Variants in BBS12 observed in about 807,000 individuals in gnomAD.
BBS12 encodes the protein chaperonin-containing T-complex member BBS12.
In BBS12, 5 loss-of-function variants were observed where a neutral mutation model predicts 5.6. That is an observed-to-expected ratio of 0.89 (90% CI 0.46 to 1.86). BBS12 has a LOEUF of 1.86. Ranked by LOEUF, BBS12 falls within the 40% of genes most tolerant of loss-of-function variation. The pLI is 0.01. For missense variants in BBS12, 748 were observed against 830.4 expected (o/e 0.90, Z 1.22); for synonymous variants, 308 against 306.8 (o/e 1.00, Z -0.04).
the BBS12 span, among the ~76,000 whole-genome samples, chr4:122,704,810 G>A: frequency 6.6e-6 from 1 of 152,256 alleles, no homozygotes; most frequent in African/African-American, 2.4e-5. Flanking sequence ...TAATCATTGT[G>A]GTAGATTGCA....
chr4:122,742,222 C>T lies in BBS12; in HGVS notation c.330C>T (p.Ser110=). The T allele has an allele frequency of 6.2e-7, 1 of 1,613,832 alleles. No individual in the cohort carries two copies. The part of the protein sequence containing the change: ...EECLHLGVPI[S]IIVSVMSEGL... ...GTCTTCATCTTGGTGTCCCCATTTC[C>T]ATAATAGTATCAGTAATGTCAGAAG... Residue 110 remains serine, a synonymous_variant, in exon 2 of 2, where the codon TCC becomes TCT. Coordinates refer to ENST00000314218, the MANE Select transcript of BBS12 (RefSeq NM_152618.3).
rs1042329443 is a variant in BBS12, at chr4:122,732,858, C to G, written c.-37C>G. 3 of 152,378 alleles carry G rather than the reference C, an allele frequency of 2.0e-5. No individual in the cohort carries two copies. Among genetic ancestry groups the G allele is most frequent in the African/African-American group, 7.2e-5 (3 of 41,456 alleles). The allele number at this position is 152,378 out of a possible 1,614,324, so 9.4% of individuals were successfully genotyped here. On this transcript the variant is annotated 5_prime_UTR_variant, in exon 1 of 2. Transcript: ENST00000314218. Reference sequence around the variant, plus strand: ...CGGTGGGAAGCCGGGAACTCCAGCCCCCTGTAGGAGAGGAGAAAGGAGCGA... The same window carrying G: ...CGGTGGGAAGCCGGGAACTCCAGCCGCCTGTAGGAGAGGAGAAAGGAGCGA...
At chr4:122,711,472 C>T in the BBS12 span, among the ~76,000 whole-genome samples, 1 of 152,050 alleles carries the variant, frequency 6.6e-6, no homozygotes, top group African/African-American at 2.4e-5. Context: ...AGACTTGAAA[C>T]TTCATTTGTG....
chr4:122,735,290 A>G (rs552620863), intron 1 of BBS12, among the ~76,000 whole-genome samples: 2 of 152,364 alleles, frequency 1.3e-5, no homozygotes, highest in South Asian at 4.1e-4. Context: ...GTGAAAATAA[A>G]TATGTTCTAG....
chr4:122,743,081 G>T lies in BBS12; in HGVS notation c.1189G>T (p.Ala397Ser), dbSNP rs1458607230. 1 of 1,614,214 alleles carries T rather than the reference G, an allele frequency of 6.2e-7. No individual in the cohort carries two copies. Among genetic ancestry groups the T allele is most frequent in the East Asian group, 2.2e-5 (1 of 44,888 alleles). Residue 397 changes from alanine (A) to serine (S), a missense_variant, in exon 2 of 2, where the codon GCA becomes TCA. Transcript: ENST00000314218. ...LQEDSSEELW[A>S]NHVLQVLIQF... ...AGAAGACAGCTCAGAAGAACTGTGG[G>T]CAAATCACGTGTTACAGGTGTTAAT...
the BBS12 span, among the ~76,000 whole-genome samples, chr4:122,722,376 TG>T: frequency 6.6e-6 from 1 of 152,226 alleles, no homozygotes; most frequent in African/African-American, 2.4e-5. Flanking sequence ...GTGCTTTGGT[TG>T]TGCATTGTCC....
At chr4:122,715,757 G>GA in the BBS12 span, among the ~76,000 whole-genome samples, 23 of 151,962 alleles carry the variant, frequency 1.5e-4, no homozygotes, top group African/African-American at 5.6e-4. Context: ...AACACAGAAA[G>GA]AAAAAATATA....
At chr4:122,741,655 C>A (rs974769191) in intron 1 of BBS12, among the ~76,000 whole-genome samples, 1 of 152,118 alleles carries the variant, frequency 6.6e-6, no homozygotes, top group Non-Finnish European at 1.5e-5. Flanking sequence ...GGAAACGTTG[C>A]CTACAGCCCT....
the BBS12 span, among the ~76,000 whole-genome samples, chr4:122,716,616 TATGCAC>T: frequency 1.7e-5 from 2 of 119,300 alleles, no homozygotes; most frequent in Non-Finnish European, 1.7e-5. Context: ...CATGTGTGTA[TATGCAC>T]ATACACATAT....
At chr4:122,717,892 T>G in the BBS12 span, among the ~76,000 whole-genome samples, 2 of 152,178 alleles carry the variant, frequency 1.3e-5, no homozygotes, top group African/African-American at 4.8e-5. Flanking sequence ...ATAACTCCTA[T>G]TCCATGGCAT....
chr4:122,712,286 G>A, the BBS12 span, among the ~76,000 whole-genome samples: 2 of 152,166 alleles, frequency 1.3e-5, no homozygotes, highest in African/African-American at 4.8e-5. Flanking sequence ...TCTCTCTGGA[G>A]AACCTTGACT....
chr4:122,707,146 T>C, the BBS12 span, among the ~76,000 whole-genome samples: 2 of 145,844 alleles, frequency 1.4e-5, no homozygotes, highest in African/African-American at 5.0e-5. Context: ...CAAGCAATCC[T>C]CATGTGGCTT....
At chr4:122,725,570 A>G in the BBS12 span, among the ~76,000 whole-genome samples, 1 of 152,158 alleles carries the variant, frequency 6.6e-6, no homozygotes, top group Admixed American at 6.5e-5. Context: ...CATGTAAGAG[A>G]ATGAAACTAG....
chr4:122,701,530 A>C, the BBS12 span, among the ~76,000 whole-genome samples: 1 of 152,268 alleles, frequency 6.6e-6, no homozygotes, highest in Non-Finnish European at 1.5e-5. Context: ...AGCAAGGAGC[A>C]GGAAGTGGAC....
intron 1 of BBS12, among the ~76,000 whole-genome samples, chr4:122,734,330 A>G (rs1800753509): frequency 6.6e-6 from 1 of 152,004 alleles, no homozygotes; most frequent in Non-Finnish European, 1.5e-5. Flanking sequence ...CAGTGGCTCA[A>G]TCCCGGCTCA....
chr4:122,715,188 T>C, the BBS12 span, among the ~76,000 whole-genome samples: 3 of 151,792 alleles, frequency 2.0e-5, no homozygotes, highest in Non-Finnish European at 2.9e-5. Context: ...CCAGCATAGA[T>C]AAGAAAATGG....
chr4:122,718,815 T>C, the BBS12 span, among the ~76,000 whole-genome samples: 1 of 152,112 alleles, frequency 6.6e-6, no homozygotes. Context: ...ACTCTGTCTT[T>C]ATTTTCTTCT....
chr4:122,707,990 CTCT>C, the BBS12 span, among the ~76,000 whole-genome samples: 1 of 112,260 alleles, frequency 8.9e-6, no homozygotes, highest in Admixed American at 8.7e-5. Flanking sequence ...TCTTTCTTTT[CTCT>C]CTTTCTCTCT....
chr4:122,710,173 C>A, the BBS12 span, among the ~76,000 whole-genome samples: 2 of 152,174 alleles, frequency 1.3e-5, no homozygotes, highest in African/African-American at 4.8e-5. Flanking sequence ...CATCCCTCTG[C>A]CCTCAGAGTG....
Sources: gnomAD v4.1 joint callset for allele counts (sites outside exome capture counted in the v4.1 genomes callset) on GRCh38, gnomAD v4.1.1 for gene constraint, MANE v1.5 for transcripts, NCBI Gene and HGNC (gene_info 2026-07-23, HGNC 2026-07-21) for gene names.